MRPL45: variants seen among roughly 807,000 people sequenced by gnomAD.
MRPL45 encodes mitochondrial ribosomal protein L45.
Under a neutral mutation model 38.1 loss-of-function variants are expected in MRPL45, and 20 were observed. The observed-to-expected ratio is 0.53, with a 90% CI of 0.37 to 0.76. The LOEUF is 0.76. MRPL45 is among the 30% of genes least tolerant of loss of function. The pLI is 0.00. For synonymous variants in MRPL45, 105 were observed against 128.8 expected (o/e 0.82, Z 1.25); for missense variants, 337 against 395.6 (o/e 0.85, Z 1.26).
intron 4 of MRPL45, among the ~76,000 whole-genome samples, chr17:38,316,361 AAT>A (rs2037172976): frequency 6.6e-6 from 1 of 151,940 alleles, no homozygotes; most frequent in South Asian, 2.1e-4. Context: ...TCCCTTGTAT[AAT>A]TTCTGTCTCC....
intron 4 of MRPL45, among the ~76,000 whole-genome samples, chr17:38,317,215 G>C (rs1183100407): frequency 6.6e-6 from 1 of 152,192 alleles, no homozygotes; most frequent in African/African-American, 2.4e-5. Context: ...CCAGGATAGT[G>C]GGGAGGAAGA....
At chr17:38,315,359 G>A (rs1273114388) in intron 4 of MRPL45, among the ~76,000 whole-genome samples, 2 of 151,994 alleles carry the variant, frequency 1.3e-5, no homozygotes, top group Non-Finnish European at 2.9e-5. Flanking sequence ...GGGCTCAAGC[G>A]ATCTTCCCAC....
intron 5 of MRPL45, 37 bp from the exon 6 acceptor site, chr17:38,320,581 G>A: frequency 6.2e-7 from 1 of 1,606,434 alleles, no homozygotes; most frequent in Non-Finnish European, 8.5e-7. Flanking sequence ...TAAAGGGAGG[G>A]AAAAATGCAG....
intron 4 of MRPL45, among the ~76,000 whole-genome samples, chr17:38,313,361 TATATAC>T (rs2037142605): frequency 4.8e-5 from 1 of 20,892 alleles, no homozygotes; most frequent in African/African-American, 1.9e-4. Flanking sequence ...TATATATATA[TATATAC>T]GTATATATAT....
At chr17:38,304,128 G>T (rs1340436778) in intron 3 of MRPL45, among the ~76,000 whole-genome samples, 1 of 152,108 alleles carries the variant, frequency 6.6e-6, no homozygotes, top group African/African-American at 2.4e-5. Flanking sequence ...TTTATAATTT[G>T]CCCAGGTATT....
Position 38,320,753 on chromosome 17 carries a change from A to C in MRPL45, c.646A>C (p.Met216Leu). Residue 216 changes from methionine (M) to leucine (L), a missense_variant, in exon 6 of 8, where the codon ATG becomes CTG. Around this residue, in one of 3 missense-constraint regions of MRPL45, gnomAD observed 251 missense variants for 269.1 expected, o/e 0.93. Coordinates refer to ENST00000613675, the MANE Select transcript of MRPL45 (RefSeq NM_032351.6). ...CGTGTACGGCCAGATCACCGTACGC[A>C]TGCACACCCGGCAGGTAGAGGCACT... The part of the protein sequence containing the change: ...GNVYGQITVR[M>L]HTRQTLAIYD... 1.2e-6 allele frequency: 2 copies of C among 1,614,058 alleles called. No homozygotes were observed. The highest frequency in any genetic ancestry group is 1.7e-6 in the Non-Finnish European group (2 of 1,180,032).
intron 3 of MRPL45, among the ~76,000 whole-genome samples, chr17:38,301,444 T>G (rs146488177): frequency 0.012 from 1,801 of 152,256 alleles, 42 homozygotes; most frequent in African/African-American, 0.041. Flanking sequence ...TTCTCCATGT[T>G]GGTCAGGCTG....
intron 6 of MRPL45, among the ~76,000 whole-genome samples, chr17:38,321,471 T>A (rs2037228686): frequency 6.6e-6 from 1 of 151,928 alleles, no homozygotes. Flanking sequence ...GGCAGGCAGA[T>A]CACAAGGTCA....
In MRPL45 at chr17:38,322,199, A is replaced by G. The variant is rs2037236492; in HGVS notation, c.734A>G (p.Tyr245Cys). 2 of 1,614,094 alleles carry G rather than the reference A, an allele frequency of 1.2e-6. No homozygotes were observed. The highest frequency in any genetic ancestry group is 1.7e-5 in the Admixed American group (1 of 60,016). Residue 245 changes from tyrosine to cysteine, a missense_variant, in exon 7 of 8, where the codon TAT becomes TGT. Physicochemically the swap from Tyr to Cys is radical, Grantham distance 194. This residue lies in a region of MRPL45 where 251 missense variants were observed against 269.1 expected (regional missense o/e 0.93). Coordinates refer to ENST00000613675, the MANE Select transcript of MRPL45 (RefSeq NM_032351.6). Reference sequence around the variant, plus strand: ...GATGTACCCAAGGATGTCCTGGAGTATGTTGTATTCGAAAAGCAGTTGACA... The same window carrying G: ...GATGTACCCAAGGATGTCCTGGAGTGTGTTGTATTCGAAAAGCAGTTGACA... ...QEDVPKDVLE[Y>C]VVFEKQLTNP...
chr17:38,322,360 C>T, intron 7 of MRPL45, 61 bp downstream of exon 7: 17 of 1,364,288 alleles, frequency 1.2e-5, no homozygotes, highest in Non-Finnish European at 1.7e-5. Flanking sequence ...CTAAGCCACT[C>T]TGTCGGGCTC....
rs530913104 is a variant in MRPL45 at position 38,308,851 on chromosome 17, G to A, written c.461+2220G>A. Among the ~76,000 whole-genome samples the A allele has an allele frequency of 9.2e-5, 14 of 151,730 alleles. No individual in the cohort carries two copies. In the South Asian group the frequency reaches 2.5e-3, roughly 27 times the overall value. On this transcript the variant is annotated intron_variant, in intron 4 of 7. Transcript: ENST00000613675. ...TCAGCGTTACTGTTGTTTCTGTTGA[G>A]AAATTAACTTTTTTTTTTTTCATTT...
At chr17:38,313,351 T>C (rs1290269231) in intron 4 of MRPL45, among the ~76,000 whole-genome samples, 3 of 20,038 alleles carry the variant, frequency 1.5e-4, no homozygotes, top group African/African-American at 7.0e-4. Context: ...TATATACGTA[T>C]ATATATATAT....
intron 4 of MRPL45, among the ~76,000 whole-genome samples, chr17:38,314,811 C>T (rs930816944): frequency 6.6e-6 from 1 of 152,238 alleles, no homozygotes; most frequent in African/African-American, 2.4e-5. Context: ...GGATTACAGG[C>T]ATGGGCCACC....
chr17:38,304,533 G>T (rs1259236477), intron 3 of MRPL45, among the ~76,000 whole-genome samples: 14 of 151,984 alleles, frequency 9.2e-5, no homozygotes. Context: ...TGTTGTCTTT[G>T]TAATTACTTT....
In MRPL45 at chr17:38,300,749, C is replaced by A. The variant is rs568851464; in HGVS notation, c.362+1281C>A. Among the ~76,000 whole-genome samples, 151 of 152,122 alleles carry A rather than the reference C, an allele frequency of 9.9e-4. 2 individuals carry two copies. The highest frequency in any genetic ancestry group is 3.6e-3 in the African/African-American group (148 of 41,496). On this transcript the variant is annotated intron_variant, in intron 3 of 7. Transcript: ENST00000613675. The stretch of plus-strand genomic sequence containing the variant: ...ATCACCTGAGGTCAGGAATCGAAAA[C>A]CAGCCCGACCAACATGGAGAAACCT...
chr17:38,313,368 G>GTATATA lies in MRPL45; in HGVS notation c.462-5308_462-5303dup, dbSNP rs1183363484. On this transcript the variant is annotated intron_variant, in intron 4 of 7. Coordinates refer to ENST00000613675, the MANE Select transcript of MRPL45 (RefSeq NM_032351.6). ...TATACGTATATATATATATATATAC[G>GTATATA]TATATATATATATATACATATATAT... 1.9e-3 allele frequency among the ~76,000 whole-genome samples: 32 copies of GTATATA among 17,050 alleles called. 1 individual carries two copies. The highest frequency in any genetic ancestry group is 8.2e-3 in the African/African-American group (30 of 3,652). 11.2% of individuals were successfully genotyped at this position (17,050 alleles called of 152,430 possible).
chr17:38,308,427 A>G (rs1178100621), intron 4 of MRPL45, among the ~76,000 whole-genome samples: 2 of 39,878 alleles, frequency 5.0e-5, no homozygotes, highest in African/African-American at 1.1e-4. Flanking sequence ...TTCTCAAAAC[A>G]TTGTTTTTTT....
At chr17:38,297,913 C>T (rs563377908) in intron 1 of MRPL45, among the ~76,000 whole-genome samples, 34 of 152,260 alleles carry the variant, frequency 2.2e-4, no homozygotes, top group African/African-American at 7.7e-4. Flanking sequence ...GCCTGGGCAA[C>T]ATATAAGACC....
At chr17:38,311,080 T>G (rs2037107234) in intron 4 of MRPL45, among the ~76,000 whole-genome samples, 1 of 152,198 alleles carries the variant, frequency 6.6e-6, no homozygotes, top group African/African-American at 2.4e-5. Context: ...TGGCATTAAG[T>G]ACATTCACAA....
Sources: gnomAD v4.1 joint callset for allele counts (sites outside exome capture counted in the v4.1 genomes callset) on GRCh38, gnomAD v4.1.1 for gene constraint, gnomAD v4.1.1 regional missense constraint, MANE v1.5 for transcripts, NCBI Gene and HGNC (gene_info 2026-07-23, HGNC 2026-07-21) for gene names.